The following USP9Y variants were observed in gnomAD, a reference collection of about 807,000 sequenced individuals.
The protein encoded by USP9Y is ubiquitin carboxyl-terminal hydrolase 9Y.
Under a neutral mutation model 53.1 loss-of-function variants are expected in USP9Y, and 41 were observed. The observed-to-expected ratio is 0.77, with a 90% confidence interval of 0.60 to 1.00. The LOEUF (loss-of-function observed/expected upper bound fraction) is 1.00, where lower values mean the gene tolerates loss of function less well. Ranked by LOEUF, USP9Y falls within the 50% of genes least tolerant of loss-of-function variation. USP9Y has a pLI of 0.00. For synonymous variants in USP9Y, 220 were observed against 173.7 expected (o/e 1.27, Z -2.09); for missense variants, 567 against 535.8 (o/e 1.06, Z -0.58).
At chrY:12,822,150 C>T in intron 33 of USP9Y, among the ~76,000 whole-genome samples, 2 of 33,561 alleles carry the variant, frequency 6.0e-5, no homozygotes, top group Non-Finnish European at 1.5e-4. Context: ...TTTGCATGTA[C>T]TTATTAGCAA....
chrY:12,850,022 A>G (rs2053570506), intron 42 of USP9Y, among the ~76,000 whole-genome samples: 1 of 30,613 alleles, frequency 3.3e-5, no homozygotes, highest in Non-Finnish European at 7.8e-5. Context: ...AAGTAATGGT[A>G]TCAGCTCCTC....
intron 27 of USP9Y, among the ~76,000 whole-genome samples, chrY:12,795,913 A>G (rs2053512444): frequency 3.0e-5 from 1 of 33,506 alleles, no homozygotes; most frequent in South Asian, 6.8e-4. Context: ...CTGTTTTATC[A>G]GCAGGGTCTT....
chrY:12,837,954 A>G lies in USP9Y; in HGVS notation c.5239A>G (p.Arg1747Gly). Residue 1747 changes from arginine (R) to glycine (G), a missense_variant, in exon 35 of 46, where the codon AGA becomes GGA. Physicochemically the swap from Arg to Gly is moderately radical, Grantham distance 125 (BLOSUM62 -2). Coordinates refer to ENST00000338981, the MANE Select transcript of USP9Y (RefSeq NM_004654.4). ...ESFTTLNVDI[R>G]NHQNLLDSLE... is the part of the protein sequence containing the mutation. ...TTTTACAACTTTGAATGTGGATATT[A>G]GAAATCATCAAAATCTTCTTGACTC... 1 of 357,545 alleles carries G rather than the reference A, an allele frequency of 2.8e-6. No individual in the cohort carries two copies. The highest frequency in any genetic ancestry group is 4.0e-6 in the Non-Finnish European group (1 of 247,820). The allele number at this position is 357,545 out of a possible 400,897, so 89.2% of individuals were successfully genotyped here. A position where few individuals can be genotyped will look rare whatever the true frequency, so the allele number is the denominator to read the frequency against.
chrY:12,814,161 G>A, intron 31 of USP9Y, among the ~76,000 whole-genome samples: 2 of 33,426 alleles, frequency 6.0e-5, no homozygotes, highest in African/African-American at 2.3e-4. Context: ...TTTTAAAAAC[G>A]CTTCTTTTGT....
chrY:12,839,289 A>G, intron 35 of USP9Y, among the ~76,000 whole-genome samples: 1 of 33,785 alleles, frequency 3.0e-5, no homozygotes, highest in Non-Finnish European at 7.3e-5. Flanking sequence ...ATATGGAACT[A>G]CATAGCCATC....
chrY:12,769,913 C>T, intron 15 of USP9Y, among the ~76,000 whole-genome samples: 2 of 32,494 alleles, frequency 6.2e-5, no homozygotes, highest in Admixed American at 5.6e-4. Context: ...CCTGCCTCAG[C>T]CTCCTGAGTA....
intron 5 of USP9Y, 124 bp downstream of exon 5, chrY:12,722,311 A>T: frequency 5.8e-6 from 1 of 172,689 alleles, no homozygotes; most frequent in Non-Finnish European, 1.1e-5. Context: ...TGTGTCACAA[A>T]CCTTCCTGGT....
At chrY:12,797,830 G>A (rs2053515092) in intron 27 of USP9Y, among the ~76,000 whole-genome samples, 2 of 33,198 alleles carry the variant, frequency 6.0e-5, no homozygotes, top group East Asian at 8.0e-4. Context: ...AGTAAGTCAC[G>A]ATATATAGGG....
chrY:12,802,409 C>T, intron 27 of USP9Y: 1 of 34,718 alleles, frequency 2.9e-5, no homozygotes, highest in African/African-American at 1.1e-4. Flanking sequence ...TAATGCTTTC[C>T]CTTTTTCTAT....
chrY:12,856,832 T>C lies in USP9Y; in HGVS notation c.7421T>C (p.Leu2474Pro). 2.6e-6 allele frequency: 1 copy of C among 389,172 alleles called. No homozygotes were observed. The highest frequency in any genetic ancestry group is 3.6e-6 in the Non-Finnish European group (1 of 277,882). Reference sequence around the variant, plus strand: ...ATGACACTTGCAAAAGCTTGTGAACTCTGTCCAGAAGAGGTAAAAAAAAAA... The same window carrying C: ...ATGACACTTGCAAAAGCTTGTGAACCCTGTCCAGAAGAGGTAAAAAAAAAA... Reference protein sequence around the residue: ...ARMTLAKACELCPEEEPDDQD... With the variant: ...ARMTLAKACEPCPEEEPDDQD... Residue 2474 changes from leucine to proline, a missense_variant, in exon 44 of 46, where the codon CTC becomes CCC. Coordinates refer to ENST00000338981, the MANE Select transcript of USP9Y (RefSeq NM_004654.4).
intron 33 of USP9Y, among the ~76,000 whole-genome samples, chrY:12,824,702 GT>G (rs2053544638): frequency 6.0e-5 from 2 of 33,448 alleles, no homozygotes; most frequent in African/African-American, 2.3e-4. Flanking sequence ...ATTTCCAAGT[GT>G]TACCAATTCT....
chrY:12,837,780 A>G lies in USP9Y; in HGVS notation c.5196-131A>G. On this transcript the variant is annotated intron_variant, in intron 34 of 45. Coordinates refer to ENST00000338981, the MANE Select transcript of USP9Y (RefSeq NM_004654.4). ...ATCCCTGGCATAAGCCCAGGAGTTC[A>G]AGGCTACAGTGAGCTGATTGTGCCA... 2.1e-5 allele frequency: 3 copies of G among 146,261 alleles called. No homozygotes were observed. The African/African-American group carries it at 2.7e-4, about 13-fold the overall frequency. 36.5% of individuals were successfully genotyped at this position (146,261 alleles called of 400,897 possible).
chrY:12,842,501 A>C, intron 38 of USP9Y, 36 bp downstream of exon 38: 1 of 317,622 alleles, frequency 3.1e-6, no homozygotes, highest in East Asian at 9.6e-5. Flanking sequence ...TTAAGCAATT[A>C]AATACTTAGA....
intron 10 of USP9Y, among the ~76,000 whole-genome samples, chrY:12,737,082 T>G: frequency 3.3e-5 from 1 of 30,491 alleles, no homozygotes; most frequent in Non-Finnish European, 7.8e-5. Context: ...TTCAAGCAAT[T>G]ATCTGCCTCA....
intron 7 of USP9Y, among the ~76,000 whole-genome samples, chrY:12,733,014 C>T: frequency 1.3e-4 from 4 of 31,122 alleles, no homozygotes; most frequent in Admixed American, 3.0e-4. Context: ...CTGGTTCAAG[C>T]GATTCTCTTC....
intron 22 of USP9Y, among the ~76,000 whole-genome samples, chrY:12,783,102 TTTC>T (rs2053499491): frequency 5.9e-5 from 2 of 33,618 alleles, no homozygotes; most frequent in African/African-American, 2.3e-4. Flanking sequence ...CAGCTAAAGC[TTTC>T]TTCTTCTTTT....
At chrY:12,807,523 C>T (rs763109136) in intron 27 of USP9Y, among the ~76,000 whole-genome samples, 1 of 27,410 alleles carries the variant, frequency 3.6e-5, no homozygotes, top group South Asian at 9.2e-4. Flanking sequence ...ACCACCACGC[C>T]TTGCTAATTT....
chrY:12,720,344 A>T (rs2053434525), intron 3 of USP9Y, among the ~76,000 whole-genome samples: 1 of 32,215 alleles, frequency 3.1e-5, no homozygotes, highest in South Asian at 7.2e-4. Context: ...GGTTAGTTAC[A>T]GTGAGCCGAG....
At chrY:12,706,857 T>C in intron 1 of USP9Y, among the ~76,000 whole-genome samples, 1 of 33,492 alleles carries the variant, frequency 3.0e-5, no homozygotes, top group Non-Finnish European at 7.4e-5. Flanking sequence ...CCTTATGGAA[T>C]AATATTAATT....
Sources: gnomAD v4.1 joint callset for allele counts (sites outside exome capture counted in the v4.1 genomes callset) on GRCh38, gnomAD v4.1.1 for gene constraint, MANE v1.5 for transcripts, NCBI Gene and HGNC (gene_info 2026-07-23, HGNC 2026-07-21) for gene names.